Variants in HDAC9 observed in about 807,000 individuals in gnomAD.
HDAC9 encodes MEF-2 interacting transcription repressor (MITR) protein.
In HDAC9, 41 loss-of-function variants were observed where a neutral mutation model predicts 139.4. The ratio of observed to expected loss-of-function variants is 0.29; its 90% CI spans 0.23 to 0.38. HDAC9 has a LOEUF of 0.38. Among genes scored for constraint, HDAC9 ranks in the 10% least tolerant of loss-of-function variants. The probability of loss-of-function intolerance (pLI) is 1.00; values close to 1 mark genes in which losing one functional copy is unlikely to be tolerated. For missense variants in HDAC9, 1,147 were observed against 1,297.0 expected (o/e 0.88, Z 1.78); for synonymous variants, 517 against 476.2 (o/e 1.09, Z -1.12).
Position 18,679,612 on chromosome 7 carries a change from T to C in HDAC9, c.1731+13136T>C, listed in dbSNP as rs79062258. Among the ~76,000 whole-genome samples the C allele has an allele frequency of 3.8e-4, 58 of 151,490 alleles. No individual in the cohort carries two copies. In the East Asian group the frequency reaches 0.011, roughly 29 times the overall value. On this transcript the variant is annotated intron_variant, in intron 12 of 25. Transcript: ENST00000686413. ...CTCTCTCTCCGTCTCTTTCTTTCTC[T>C]CTCTTTCCTTTTCTTCTCTGAGTAA...
At chr7:18,246,653 C>T (rs1794554711) in intron 2 of HDAC9, among the ~76,000 whole-genome samples, 1 of 151,968 alleles carries the variant, frequency 6.6e-6, no homozygotes, top group Non-Finnish European at 1.5e-5. Flanking sequence ...GGGAGAAAGT[C>T]AGTGAAGTAA....
intron 21 of HDAC9, among the ~76,000 whole-genome samples, chr7:18,852,508 A>C (rs189461819): frequency 1.3e-5 from 2 of 152,320 alleles, no homozygotes; most frequent in East Asian, 3.9e-4. Context: ...AAAGGCAAAA[A>C]TTCAAAAATA....
intron 2 of HDAC9, among the ~76,000 whole-genome samples, chr7:18,278,001 T>G (rs1796858126): frequency 6.6e-6 from 1 of 152,218 alleles, no homozygotes; most frequent in Non-Finnish European, 1.5e-5. Context: ...CTTCTTCAGC[T>G]AGTGACATCA....
chr7:18,611,249 G>A (rs1041999112), intron 6 of HDAC9, among the ~76,000 whole-genome samples: 5 of 152,112 alleles, frequency 3.3e-5, no homozygotes, highest in African/African-American at 1.2e-4. Flanking sequence ...TAAGGGAACA[G>A]CACATTACTT....
intron 22 of HDAC9, among the ~76,000 whole-genome samples, chr7:18,875,282 C>G (rs1040470093): frequency 4.6e-5 from 7 of 151,964 alleles, no homozygotes; most frequent in African/African-American, 1.5e-4. Flanking sequence ...ATATATATAG[C>G]TCACATATAA....
At chr7:18,096,883 T>TTGTGTGTGTGTG (rs59590063) in intron 1 of HDAC9, among the ~76,000 whole-genome samples, 2 of 145,218 alleles carry the variant, frequency 1.4e-5, no homozygotes, top group African/African-American at 2.5e-5. Flanking sequence ...CTTGTTGGCT[T>TTGTGTGTGTGTG]TGTGTGTGTG....
chr7:18,462,509 G>A (rs1363306758), intron 1 of HDAC9, among the ~76,000 whole-genome samples: 1 of 151,940 alleles, frequency 6.6e-6, no homozygotes, highest in African/African-American at 2.4e-5. Flanking sequence ...ATTATAGCAA[G>A]CAAGCCCCCA....
At chr7:18,531,353 A>G (rs748271153) in intron 2 of HDAC9, among the ~76,000 whole-genome samples, 1 of 152,082 alleles carries the variant, frequency 6.6e-6, no homozygotes, top group Non-Finnish European at 1.5e-5. Context: ...CACTCAAATT[A>G]CTCTTTTACT....
intron 1 of HDAC9, among the ~76,000 whole-genome samples, chr7:18,105,738 C>A (rs1294643010): frequency 1.3e-5 from 2 of 151,588 alleles, no homozygotes; most frequent in African/African-American, 4.9e-5. Context: ...GGTATACACC[C>A]AAAAGAATTG....
In HDAC9 at chr7:18,727,731, G is replaced by A. The variant is rs759293177; in HGVS notation, c.1883G>A (p.Arg628His). The change falls in exon 13 of 26, where the codon CGC (arginine) becomes CAC (histidine). Residue 628 changes from arginine (R) to histidine (H), a missense_variant. By Grantham distance (29) the Arg-to-His change is conservative. Coordinates refer to ENST00000686413, the MANE Select transcript of HDAC9 (RefSeq NM_178425.4). ...GTTTTACCTCACCCAGCAATGGACC[G>A]CCCCCTCCAGCCTGGCTCTGCAACT... is the stretch of plus-strand genomic sequence containing the variant. ...ASVLPHPAMD[R>H]PLQPGSATGI... is the part of the protein sequence containing the mutation. 1.1e-5 allele frequency: 17 copies of A among 1,545,322 alleles called. No homozygotes were observed. The highest frequency in any genetic ancestry group is 2.8e-5 in the African/African-American group (2 of 70,792).
chr7:18,788,797 C>T (rs1056910276), intron 16 of HDAC9, among the ~76,000 whole-genome samples: 9 of 151,204 alleles, frequency 6.0e-5, no homozygotes, highest in East Asian at 5.8e-4. Flanking sequence ...AAAGTGAAGG[C>T]TCACCGACCA....
chr7:18,491,346 A>G (rs1322241366), upstream of HDAC9, among the ~76,000 whole-genome samples: 5 of 152,030 alleles, frequency 3.3e-5, no homozygotes, highest in African/African-American at 1.2e-4. Context: ...TATACTAGCA[A>G]CAGTCACACC....
chr7:18,379,269 C>A (rs553658722), intron 1 of HDAC9, among the ~76,000 whole-genome samples: 30 of 152,244 alleles, frequency 2.0e-4, no homozygotes, highest in South Asian at 8.3e-4. Context: ...ACCACATTAT[C>A]CAACATTAGT....
chr7:18,888,340 G>T (rs1800358754), intron 22 of HDAC9, among the ~76,000 whole-genome samples: 2 of 152,194 alleles, frequency 1.3e-5, no homozygotes, highest in Non-Finnish European at 2.9e-5. Context: ...CAGGAAAATG[G>T]CGTGAACCCG....
chr7:18,554,514 T>A (rs1220413635), intron 2 of HDAC9, among the ~76,000 whole-genome samples: 2 of 152,012 alleles, frequency 1.3e-5, no homozygotes, highest in Non-Finnish European at 2.9e-5. Context: ...TTTTTGTATT[T>A]TTGGTAGAGA....
intron 2 of HDAC9, among the ~76,000 whole-genome samples, chr7:18,221,268 G>C (rs575304175): frequency 1.3e-5 from 2 of 152,068 alleles, no homozygotes; most frequent in Non-Finnish European, 2.9e-5. Flanking sequence ...GCCATGCCTG[G>C]CTAATTGTGT....
intron 1 of HDAC9, among the ~76,000 whole-genome samples, chr7:18,329,355 A>G (rs1268432859): frequency 6.6e-6 from 1 of 151,806 alleles, no homozygotes; most frequent in African/African-American, 2.4e-5. Flanking sequence ...GTTGATAGGT[A>G]TGTTAATTAA....
At chr7:18,355,946 A>G (rs2128680631) in intron 1 of HDAC9, among the ~76,000 whole-genome samples, 1 of 152,282 alleles carries the variant, frequency 6.6e-6, no homozygotes, top group African/African-American at 2.4e-5. Flanking sequence ...AACTGGCTAG[A>G]GGGATCTTAC....
At chr7:18,900,413 G>A (rs1257880205) in intron 22 of HDAC9, among the ~76,000 whole-genome samples, 1 of 152,106 alleles carries the variant, frequency 6.6e-6, no homozygotes, top group Non-Finnish European at 1.5e-5. Context: ...ACCCCATGTG[G>A]CTAAACACAC....
Sources: gnomAD v4.1 joint callset for allele counts (sites outside exome capture counted in the v4.1 genomes callset) on GRCh38, gnomAD v4.1.1 for gene constraint, MANE v1.5 for transcripts, NCBI Gene and HGNC (gene_info 2026-07-23, HGNC 2026-07-21) for gene names.